Variants in TRPC7 observed in about 807,000 individuals in gnomAD.
TRPC7 encodes transient receptor potential cation channel subfamily C member 7.
A neutral mutation model predicts 90.1 loss-of-function variants in TRPC7; 42 were observed. The ratio of observed to expected loss-of-function variants is 0.47; its 90% confidence interval spans 0.36 to 0.60. The LOEUF (loss-of-function observed/expected upper bound fraction) is 0.60, where lower values mean the gene tolerates loss of function less well. Ranked by LOEUF, TRPC7 falls within the 20% of genes least tolerant of loss-of-function variation. The probability of loss-of-function intolerance (pLI) is 0.00; values close to 1 mark genes in which losing one functional copy is unlikely to be tolerated. For synonymous variants in TRPC7, 451 were observed against 436.3 expected, an observed-to-expected ratio of 1.03 and a Z score of -0.42; for missense variants, 955 against 1,112.3, an observed-to-expected ratio of 0.86 and a Z score of 2.01.
chr5:136,241,011 G>A (rs1048486036), intron 7 of TRPC7, among the ~76,000 whole-genome samples: 8 of 152,042 alleles, frequency 5.3e-5, no homozygotes, highest in African/African-American at 1.9e-4. Context: ...GGGGTGTGTG[G>A]GCAGAGTCTT....
At chr5:136,261,890 A>G (rs79342824) in intron 5 of TRPC7, among the ~76,000 whole-genome samples, 2,350 of 152,284 alleles carry the variant, frequency 0.015, 43 homozygotes, top group African/African-American at 0.054. Flanking sequence ...GTCTCAAACT[A>G]GAGTCTTGGT....
intron 3 of TRPC7, among the ~76,000 whole-genome samples, chr5:136,287,917 T>A (rs1007620673): frequency 6.6e-6 from 1 of 151,966 alleles, no homozygotes; most frequent in African/African-American, 2.4e-5. Context: ...GCCCCCAGAA[T>A]AACTGAGACC....
At chr5:136,293,817 G>C (rs542263486) in intron 3 of TRPC7, among the ~76,000 whole-genome samples, 2,306 of 152,280 alleles carry the variant, frequency 0.015, 33 homozygotes, top group South Asian at 0.026. Context: ...AACCAAAAAA[G>C]AGCCCGCATT....
chr5:136,275,011 G>A (rs1757317840), intron 3 of TRPC7, among the ~76,000 whole-genome samples, 174 bp from the exon 4 acceptor site: 1 of 152,162 alleles, frequency 6.6e-6, no homozygotes, highest in East Asian at 1.9e-4. Flanking sequence ...TTCTGACTTG[G>A]GGATGCTAAG....
At chr5:136,239,471 C>T (rs1320772011) in intron 7 of TRPC7, among the ~76,000 whole-genome samples, 4 of 152,334 alleles carry the variant, frequency 2.6e-5, no homozygotes, top group Non-Finnish European at 4.4e-5. Flanking sequence ...TTCCTTGTTC[C>T]CCACCTGCAA....
chr5:136,228,073 G>C (rs1755688364), intron 8 of TRPC7, among the ~76,000 whole-genome samples: 1 of 152,204 alleles, frequency 6.6e-6, no homozygotes, highest in Admixed American at 6.5e-5. Context: ...CCGATGATGT[G>C]AACCCAGCAA....
chr5:136,328,856 C>T (rs1759418110), intron 2 of TRPC7, among the ~76,000 whole-genome samples: 1 of 152,206 alleles, frequency 6.6e-6, no homozygotes, highest in Non-Finnish European at 1.5e-5. Context: ...GGATTTATTT[C>T]CAGAGCTTCA....
chr5:136,247,498 C>T lies in TRPC7; in HGVS notation c.1817G>A (p.Gly606Asp), dbSNP rs772461925. ...TGTAAACGCTGGGTTGTATTTGGCA[C>T]CTCGGTAGTAAGAGTACAGGTTGAA... is the stretch of plus-strand genomic sequence containing the variant. Reference protein sequence around the residue: ...GMFNLYSYYRGAKYNPAFTTV... With the variant: ...GMFNLYSYYRDAKYNPAFTTV... Residue 606 changes from glycine to aspartate, a missense_variant, in exon 7 of 12, where the codon GGT becomes GAT. Around this residue, in one of 4 missense-constraint regions of TRPC7, gnomAD observed 296 missense variants for 422.7 expected, o/e 0.70. Transcript: ENST00000513104. The surrounding 1 kb of genome is among the most constrained non-coding windows in gnomAD (Gnocchi z 4.2). 1 of 1,613,644 alleles carries T rather than the reference C, an allele frequency of 6.2e-7. No homozygotes were observed. The highest frequency in any genetic ancestry group is 1.7e-5 in the Admixed American group (1 of 60,012).
intron 3 of TRPC7, among the ~76,000 whole-genome samples, chr5:136,302,823 A>T (rs987686777): frequency 4.6e-5 from 7 of 152,122 alleles, no homozygotes. Flanking sequence ...TCTTTTACAC[A>T]TCAGTCCCTT....
chr5:136,255,534 G>T (rs1365946465), intron 5 of TRPC7, among the ~76,000 whole-genome samples: 1 of 152,176 alleles, frequency 6.6e-6, no homozygotes, highest in African/African-American at 2.4e-5. Flanking sequence ...ATAGACCACA[G>T]TATAGTGTAA....
chr5:136,318,936 C>T (rs1580949431), intron 2 of TRPC7, among the ~76,000 whole-genome samples: 1 of 151,616 alleles, frequency 6.6e-6, no homozygotes, highest in East Asian at 2.0e-4. Context: ...TTCTTTTATT[C>T]CAATGTCCCC....
At chr5:136,357,530 A>T in intron 1 of TRPC7, 145 bp from the exon 2 acceptor site, 5 of 897,820 alleles carry the variant, frequency 5.6e-6, no homozygotes, top group African/African-American at 1.7e-5. Flanking sequence ...TGTCTTAATC[A>T]TCAAGATTCA....
At chr5:136,323,497 G>T (rs2149842827) in intron 2 of TRPC7, among the ~76,000 whole-genome samples, 1 of 152,236 alleles carries the variant, frequency 6.6e-6, no homozygotes, top group South Asian at 2.1e-4. Flanking sequence ...CACCCATTTT[G>T]TGTTAATTTT....
chr5:136,236,557 G>A (rs569003365), intron 7 of TRPC7, among the ~76,000 whole-genome samples: 1 of 152,316 alleles, frequency 6.6e-6, no homozygotes, highest in African/African-American at 2.4e-5. Flanking sequence ...AAGTGCCCAT[G>A]AGTGATGTTG....
chr5:136,274,705 C>A lies in TRPC7; in HGVS notation c.1096G>T (p.Ala366Ser), dbSNP rs551264578. The A allele has an allele frequency of 5.1e-5, 82 of 1,613,484 alleles. No homozygotes were observed. The highest frequency in any genetic ancestry group is 1.7e-4 in the Middle Eastern group (1 of 6,060). The stretch of plus-strand genomic sequence containing the variant: ...CACGGAGCAATCCAATAGGCTATGG[C>A]GAGAAAAGGGAGGCCTATGGAGACT... ...FGVSIGLPFL[A>S]IAYWIAPCSK... Residue 366 changes from alanine to serine, a missense_variant, in exon 4 of 12, where the codon GCC becomes TCC. By Grantham distance (99) the Ala-to-Ser change is moderately conservative (BLOSUM62 1). Around this residue, in one of 4 missense-constraint regions of TRPC7, gnomAD observed 484 missense variants for 509.6 expected, o/e 0.95. Coordinates refer to ENST00000513104, the MANE Select transcript of TRPC7 (RefSeq NM_020389.3).
chr5:136,341,728 C>T (rs1361080729), intron 2 of TRPC7, among the ~76,000 whole-genome samples: 5 of 152,130 alleles, frequency 3.3e-5, no homozygotes, highest in Non-Finnish European at 4.4e-5. Context: ...AGTCGCTATT[C>T]AGGTAATTCA....
rs1758988422 is a variant in TRPC7 at position 136,315,582 on chromosome 5, G to C, written c.963+15C>G. ...GAGGTGAGATGGGAAGACCAGGAGA[G>C]ATGGGGGAGCTTACCTTCTTGACTT... On this transcript the variant is annotated intron_variant, in intron 3 of 11. Coordinates refer to ENST00000513104, the MANE Select transcript of TRPC7 (RefSeq NM_020389.3). 6.2e-7 allele frequency: 1 copy of C among 1,613,116 alleles called. No individual in the cohort carries two copies. The highest frequency in any genetic ancestry group is 2.2e-5 in the East Asian group (1 of 44,836).
intron 3 of TRPC7, 45 bp from the exon 4 acceptor site, chr5:136,274,882 A>G (rs908854331): frequency 1.3e-6 from 2 of 1,539,784 alleles, no homozygotes; most frequent in Non-Finnish European, 1.8e-6. Context: ...AAACAGGAAA[A>G]TGGCATTGAT....
At chr5:136,257,714 T>G (rs1266566314) in intron 5 of TRPC7, among the ~76,000 whole-genome samples, 1 of 152,198 alleles carries the variant, frequency 6.6e-6, no homozygotes, top group Non-Finnish European at 1.5e-5. Context: ...TTGTGGTAAT[T>G]CAGTGAAGTA....
Sources: gnomAD v4.1 joint callset for allele counts (sites outside exome capture counted in the v4.1 genomes callset) on GRCh38, gnomAD v4.1.1 for gene constraint, gnomAD v4.1.1 regional missense constraint, Gnocchi (gnomAD v3.1) non-coding constraint, MANE v1.5 for transcripts, NCBI Gene and HGNC (gene_info 2026-07-23, HGNC 2026-07-21) for gene names.